GRIN2A: variants seen among roughly 807,000 people sequenced by gnomAD.
GRIN2A encodes the protein glutamate ionotropic receptor NMDA type subunit 2A, also known as glutamate receptor ionotropic, NMDA 2A.
Under a neutral mutation model 113.4 loss-of-function variants are expected in GRIN2A, and 22 were observed. The observed-to-expected ratio is 0.19, with a 90% confidence interval of 0.14 to 0.28. The LOEUF (loss-of-function observed/expected upper bound fraction) is 0.28. Among genes scored for constraint, GRIN2A ranks in the 10% least tolerant of loss-of-function variants. The probability of loss-of-function intolerance (pLI) is 1.00; values close to 1 mark genes in which losing one functional copy is unlikely to be tolerated. For synonymous variants in GRIN2A, 827 were observed against 738.4 expected, an observed-to-expected ratio of 1.12 and a Z score of -1.94; for missense variants, 1,502 against 1,887.0, an observed-to-expected ratio of 0.80 and a Z score of 3.78.
chr16:9,778,378 G>A (rs1255845794), intron 11 of GRIN2A, among the ~76,000 whole-genome samples: 2 of 152,196 alleles, frequency 1.3e-5, no homozygotes, highest in Non-Finnish European at 1.5e-5. Flanking sequence ...AAAGGCACAT[G>A]CATTTGTGAG....
intron 2 of GRIN2A, among the ~76,000 whole-genome samples, chr16:10,139,905 G>A (rs1247123664): frequency 6.6e-6 from 1 of 152,028 alleles, no homozygotes; most frequent in Non-Finnish European, 1.5e-5. Flanking sequence ...TTGGCTCCCT[G>A]CAACCTCCGC....
At chr16:10,124,852 G>T (rs755579858) in intron 2 of GRIN2A, among the ~76,000 whole-genome samples, 1 of 152,140 alleles carries the variant, frequency 6.6e-6, no homozygotes, top group Non-Finnish European at 1.5e-5. Flanking sequence ...TATGGAAAAG[G>T]TTAGCAGGAC....
chr16:10,161,425 G>A (rs1335079799), intron 2 of GRIN2A, among the ~76,000 whole-genome samples: 2 of 152,110 alleles, frequency 1.3e-5, no homozygotes, highest in Non-Finnish European at 2.9e-5. Context: ...ACTATTTGAT[G>A]AAGGGAAAAA....
chr16:10,140,390 G>T lies in GRIN2A; in HGVS notation c.414+39608C>A, dbSNP rs567513137. Reference sequence around the variant, plus strand: ...ATCTCTTTCAAAGATTTGGAAACTGGGTTCCCAAAAAGAGAGTTGACACAT... The same window carrying T: ...ATCTCTTTCAAAGATTTGGAAACTGTGTTCCCAAAAAGAGAGTTGACACAT... On this transcript the variant is annotated intron_variant, in intron 2 of 12. Transcript: ENST00000330684. Among the ~76,000 whole-genome samples the T allele has an allele frequency of 1.4e-4, 22 of 152,106 alleles. No homozygotes were observed. In the South Asian group the frequency reaches 4.4e-3, roughly 30 times the overall value.
intron 2 of GRIN2A, among the ~76,000 whole-genome samples, chr16:9,982,617 T>G (rs902287044): frequency 6.6e-6 from 1 of 152,220 alleles, no homozygotes; most frequent in Non-Finnish European, 1.5e-5. Flanking sequence ...TAGTTATCTT[T>G]TAAAATATCT....
chr16:9,789,907 G>C (rs1035133785), intron 11 of GRIN2A, among the ~76,000 whole-genome samples: 1 of 152,220 alleles, frequency 6.6e-6, no homozygotes, highest in Non-Finnish European at 1.5e-5. Context: ...ATGGAAGAAA[G>C]GGAGAAACTG....
chr16:9,965,032 A>T (rs980655391), intron 2 of GRIN2A, among the ~76,000 whole-genome samples: 2 of 152,230 alleles, frequency 1.3e-5, no homozygotes, highest in Admixed American at 1.3e-4. Flanking sequence ...ACCAATAAGC[A>T]TGCAAATATA....
intron 4 of GRIN2A, 74 bp from the exon 5 acceptor site, chr16:9,850,035 G>A: frequency 8.0e-7 from 1 of 1,256,808 alleles, no homozygotes; most frequent in Non-Finnish European, 1.2e-6. Context: ...TCCTTTCCCT[G>A]CCAGAGACAT....
At chr16:9,914,535 C>T (rs1052477819) in intron 3 of GRIN2A, among the ~76,000 whole-genome samples, 3 of 152,196 alleles carry the variant, frequency 2.0e-5, no homozygotes, top group Admixed American at 2.0e-4. Flanking sequence ...CGTGTTAAAC[C>T]ACAGAAAATT....
intron 7 of GRIN2A, among the ~76,000 whole-genome samples, chr16:9,839,609 A>G (rs943282846): frequency 6.6e-6 from 1 of 152,190 alleles, no homozygotes; most frequent in Non-Finnish European, 1.5e-5. Flanking sequence ...CAAATAAATG[A>G]CTGCTGTTCT....
At chr16:9,886,578 A>G (rs1411487763) in intron 4 of GRIN2A, among the ~76,000 whole-genome samples, 1 of 152,158 alleles carries the variant, frequency 6.6e-6, no homozygotes, top group African/African-American at 2.4e-5. Context: ...CCATCTCCAT[A>G]TACACACTAA....
intron 3 of GRIN2A, among the ~76,000 whole-genome samples, chr16:9,912,939 T>C (rs1452315423): frequency 6.6e-6 from 1 of 151,682 alleles, no homozygotes; most frequent in Non-Finnish European, 1.5e-5. Flanking sequence ...CATAGAAGAG[T>C]TTTAAGGTTA....
chr16:9,811,700 A>G lies in GRIN2A; in HGVS notation c.2168+10564T>C, dbSNP rs1458233028. ...CTTGAACCCTGCAGATGGAGGTTGCAGTTAGCCAAGATCTCGTGACTGCAC... is the reference window on the plus strand; with the variant it reads ...CTTGAACCCTGCAGATGGAGGTTGCGGTTAGCCAAGATCTCGTGACTGCAC... On this transcript the variant is annotated intron_variant, in intron 10 of 12. Coordinates refer to ENST00000330684, the MANE Select transcript of GRIN2A (RefSeq NM_001134407.3). Among the ~76,000 whole-genome samples, 3 of 152,344 alleles carry G rather than the reference A, an allele frequency of 2.0e-5. No homozygotes were observed. In the East Asian group the frequency reaches 5.8e-4, roughly 29 times the overall value.
intron 2 of GRIN2A, among the ~76,000 whole-genome samples, chr16:10,172,619 G>A (rs1474645268): frequency 6.6e-6 from 1 of 152,252 alleles, no homozygotes; most frequent in East Asian, 1.9e-4. Context: ...ATCGTGGCAG[G>A]TGGGGTTGGG....
At chr16:10,026,003 G>C (rs1046796421) in intron 2 of GRIN2A, among the ~76,000 whole-genome samples, 3 of 152,158 alleles carry the variant, frequency 2.0e-5, no homozygotes, top group Non-Finnish European at 4.4e-5. Flanking sequence ...CAGCCTCTTT[G>C]ACTCACACAA....
chr16:10,130,916 G>C (rs2049048355), intron 2 of GRIN2A, among the ~76,000 whole-genome samples: 1 of 152,188 alleles, frequency 6.6e-6, no homozygotes, highest in Non-Finnish European at 1.5e-5. Flanking sequence ...CATCTCTTCA[G>C]CTATCCTGAG....
At chr16:9,979,948 T>C (rs1331133699) in intron 2 of GRIN2A, among the ~76,000 whole-genome samples, 1 of 151,314 alleles carries the variant, frequency 6.6e-6, no homozygotes, top group Non-Finnish European at 1.5e-5. Context: ...CTGGTGATAT[T>C]GGAAAATTCC....
intron 2 of GRIN2A, among the ~76,000 whole-genome samples, chr16:10,000,547 T>G (rs761706084): frequency 9.2e-5 from 14 of 151,970 alleles, no homozygotes; most frequent in Non-Finnish European, 4.4e-5. Flanking sequence ...GCACTATTAA[T>G]AGTCTATAGA....
intron 2 of GRIN2A, among the ~76,000 whole-genome samples, chr16:9,959,745 G>C (rs1172728391): frequency 1.3e-5 from 2 of 152,202 alleles, no homozygotes; most frequent in South Asian, 2.1e-4. Context: ...AGGCTGAGGT[G>C]GGTATATCAC....
Sources: allele counts gnomAD v4.1 joint callset (sites outside exome capture counted in the v4.1 genomes callset), GRCh38; gene constraint gnomAD v4.1.1; transcripts MANE v1.5; gene names NCBI Gene and HGNC (gene_info 2026-07-23, HGNC 2026-07-21).